The following PLEKHM3 variants were observed in gnomAD, a reference collection of about 807,000 sequenced individuals.
The protein encoded by PLEKHM3 is pleckstrin homology domain-containing family M member 3.
PLEKHM3 carries 45 observed loss-of-function variants against 81.8 expected under a neutral mutation model. The observed-to-expected ratio is 0.55, with a 90% CI of 0.43 to 0.71. PLEKHM3 has a LOEUF of 0.71. Among genes scored for constraint, PLEKHM3 ranks in the 30% least tolerant of loss-of-function variants. The pLI, the probability that PLEKHM3 is intolerant of heterozygous loss-of-function variation, is 0.00. For synonymous variants in PLEKHM3, 352 were observed against 356.4 expected (o/e 0.99, Z 0.14); for missense variants, 788 against 924.3 (o/e 0.85, Z 1.91).
At chr2:207,829,115 T>A (rs2092270200) in intron 7 of PLEKHM3, among the ~76,000 whole-genome samples, 1 of 152,170 alleles carries the variant, frequency 6.6e-6, no homozygotes, top group Non-Finnish European at 1.5e-5. Context: ...GCGTGAACAT[T>A]AAAGCAGGAG....
chr2:207,933,531 T>A (rs1234040886), intron 4 of PLEKHM3, among the ~76,000 whole-genome samples: 1 of 152,220 alleles, frequency 6.6e-6, no homozygotes, highest in Non-Finnish European at 1.5e-5. Flanking sequence ...AGTGTTTATA[T>A]GGAGTCAGGG....
intron 3 of PLEKHM3, among the ~76,000 whole-genome samples, chr2:207,972,094 A>C (rs1224876103): frequency 6.6e-6 from 1 of 152,182 alleles, no homozygotes; most frequent in Non-Finnish European, 1.5e-5. Flanking sequence ...TGGACTGCAA[A>C]TTTCATGAAG....
Position 207,880,797 on chromosome 2 carries a change from A to C in PLEKHM3, c.1951-19535T>G, listed in dbSNP as rs1436145119. Among the ~76,000 whole-genome samples, 6 of 137,002 alleles carry C rather than the reference A, an allele frequency of 4.4e-5. No individual in the cohort carries two copies. In the South Asian group the frequency reaches 1.2e-3, roughly 27 times the overall value. The allele number at this position is 137,002 out of a possible 152,430, so 89.9% of individuals were successfully genotyped here. On this transcript the variant is annotated intron_variant, in intron 6 of 7. Transcript: ENST00000427836. ...AAAAAAAAAAAAAAAAACCAAAAAA[A>C]CAAACAAACAAAAAAAAACAAAAAA... is the stretch of plus-strand genomic sequence containing the variant.
At chr2:207,870,533 T>A (rs1449637843) in intron 6 of PLEKHM3, among the ~76,000 whole-genome samples, 1 of 152,238 alleles carries the variant, frequency 6.6e-6, no homozygotes, top group Non-Finnish European at 1.5e-5. Flanking sequence ...GAATCAACAT[T>A]GTCACACATT....
At chr2:207,929,031 T>A (rs1161143210) in intron 5 of PLEKHM3, among the ~76,000 whole-genome samples, 1 of 152,242 alleles carries the variant, frequency 6.6e-6, no homozygotes, top group Admixed American at 6.5e-5. Context: ...TGGTCTGAAG[T>A]GACACTTAAT....
intron 1 of PLEKHM3, among the ~76,000 whole-genome samples, chr2:208,003,506 T>C (rs1347253815): frequency 1.3e-5 from 2 of 152,194 alleles, no homozygotes; most frequent in Non-Finnish European, 2.9e-5. Context: ...TATACAGACC[T>C]TTATTTTAGA....
At chr2:207,954,440 A>G (rs1308585592) in intron 3 of PLEKHM3, among the ~76,000 whole-genome samples, 2 of 152,334 alleles carry the variant, frequency 1.3e-5, no homozygotes, top group South Asian at 4.1e-4. Context: ...AATGTTCAAT[A>G]CACATTATAT....
At chr2:207,939,054 G>A (rs538198761) in intron 4 of PLEKHM3, among the ~76,000 whole-genome samples, 2 of 152,152 alleles carry the variant, frequency 1.3e-5, no homozygotes, top group African/African-American at 4.8e-5. Flanking sequence ...AGTGCCACAC[G>A]CCTAAGCTCT....
chr2:207,962,268 A>G (rs1418959519), intron 3 of PLEKHM3, among the ~76,000 whole-genome samples: 1 of 152,214 alleles, frequency 6.6e-6, no homozygotes, highest in Non-Finnish European at 1.5e-5. Context: ...GATTCAATCC[A>G]TCATACCTAC....
chr2:207,853,331 C>T lies in PLEKHM3; in HGVS notation c.2108+7774G>A, dbSNP rs183491034. On this transcript the variant is annotated intron_variant, in intron 7 of 7. Transcript: ENST00000427836. ...ACTTGGGAGGCTGAGGCAGGAGAAT[C>T]GCTTGAACCTGGGAGGCAGAGGTTG... Among the ~76,000 whole-genome samples the T allele has an allele frequency of 2.1e-3, 314 of 151,534 alleles. 1 individual carries two copies. The highest frequency in any genetic ancestry group is 2.9e-3 in the Non-Finnish European group (198 of 67,912).
At chr2:207,860,307 A>G (rs1415566556) in intron 7 of PLEKHM3, among the ~76,000 whole-genome samples, 1 of 151,942 alleles carries the variant, frequency 6.6e-6, no homozygotes, top group Non-Finnish European at 1.5e-5. Flanking sequence ...GAGAGGCTAA[A>G]AGGGCTGAGT....
At chr2:207,870,343 C>G (rs531197591) in intron 6 of PLEKHM3, among the ~76,000 whole-genome samples, 2 of 152,194 alleles carry the variant, frequency 1.3e-5, no homozygotes, top group Admixed American at 6.5e-5. Context: ...CATTTCAAAA[C>G]AAGCTTCCTT....
At chr2:208,013,486 C>T (rs954205917) in intron 1 of PLEKHM3, among the ~76,000 whole-genome samples, 2 of 151,576 alleles carry the variant, frequency 1.3e-5, no homozygotes, top group Non-Finnish European at 2.9e-5. Flanking sequence ...ACTGCACTCC[C>T]GCCTGGGCAA....
At chr2:207,923,905 ATTTTTTTT>A (rs869041855) in intron 5 of PLEKHM3, among the ~76,000 whole-genome samples, 5 of 28,346 alleles carry the variant, frequency 1.8e-4, no homozygotes, top group African/African-American at 6.2e-4. Context: ...ATATATATAT[ATTTTTTTT>A]TTTTTTTTTT....
chr2:208,014,809 CTGATCCATACTTCTCGGAT>C (rs1440352874), intron 1 of PLEKHM3, among the ~76,000 whole-genome samples: 2 of 152,182 alleles, frequency 1.3e-5, no homozygotes, highest in Non-Finnish European at 2.9e-5. Context: ...GGGGCTCTGA[CTGATCCATACTTCTCGGAT>C]TGTTTTGCTC....
chr2:207,890,423 T>A (rs968146388), intron 6 of PLEKHM3, among the ~76,000 whole-genome samples: 4 of 151,972 alleles, frequency 2.6e-5, no homozygotes, highest in Non-Finnish European at 5.9e-5. Context: ...AGGTCAGGAG[T>A]TCGAGACCAG....
chr2:207,957,080 T>C (rs1227157819), intron 3 of PLEKHM3, among the ~76,000 whole-genome samples: 3 of 152,124 alleles, frequency 2.0e-5, no homozygotes, highest in Non-Finnish European at 1.5e-5. Flanking sequence ...AAGATGCTCA[T>C]GATGTTTCAA....
At position 207,824,828 on chromosome 2, in the gene PLEKHM3, G is replaced by C. The variant is rs944416655; in HGVS notation, c.*3491C>G. On this transcript the variant is annotated 3_prime_UTR_variant, in exon 8 of 8. Coordinates refer to ENST00000427836, the MANE Select transcript of PLEKHM3 (RefSeq NM_001080475.3). ...CTCACTGCAGCCGGAAGGAAGTCAC[G>C]GCATAGTCCCTTTTCAGGAGTCTGA... 6.6e-6 allele frequency: 1 copy of C among 152,130 alleles called. No homozygotes were observed. The highest frequency in any genetic ancestry group is 1.5e-5 in the Non-Finnish European group (1 of 68,040). 9.4% of individuals were successfully genotyped at this position (152,130 alleles called of 1,614,324 possible). A position where few individuals can be genotyped will look rare whatever the true frequency, so the allele number is the denominator to read the frequency against.
intron 3 of PLEKHM3, among the ~76,000 whole-genome samples, chr2:207,963,025 G>A (rs558826091): frequency 6.6e-6 from 1 of 152,068 alleles, no homozygotes; most frequent in South Asian, 2.1e-4. Context: ...CTCCAACCTT[G>A]GATTCCTAGA....
Sources: gnomAD v4.1 joint callset for allele counts (sites outside exome capture counted in the v4.1 genomes callset) on GRCh38, gnomAD v4.1.1 for gene constraint, MANE v1.5 for transcripts, NCBI Gene and HGNC (gene_info 2026-07-23, HGNC 2026-07-21) for gene names.